The following SRRM4 variants were observed in gnomAD, a reference collection of about 807,000 sequenced individuals.
SRRM4 encodes serine/arginine repetitive matrix protein 4.
In SRRM4, 33 loss-of-function variants were observed where a neutral mutation model predicts 68.9. The observed-to-expected ratio is 0.48, with a 90% CI of 0.36 to 0.64. The LOEUF is 0.64. Ranked by LOEUF, SRRM4 falls within the 30% of genes least tolerant of loss-of-function variation. The pLI, the probability that SRRM4 is intolerant of heterozygous loss-of-function variation, is 0.00. For synonymous variants in SRRM4, 318 were observed against 318.8 expected (o/e 1.00, Z 0.03); for missense variants, 817 against 827.1 (o/e 0.99, Z 0.15).
At chr12:118,998,406 G>A (rs1953363221) in intron 1 of SRRM4, among the ~76,000 whole-genome samples, 1 of 151,768 alleles carries the variant, frequency 6.6e-6, no homozygotes, top group South Asian at 2.1e-4. Flanking sequence ...AGAGTGCTTG[G>A]ATCAATTAGT....
At chr12:119,090,858 C>T (rs1263719292) in intron 1 of SRRM4, among the ~76,000 whole-genome samples, 1 of 152,204 alleles carries the variant, frequency 6.6e-6, no homozygotes, top group East Asian at 1.9e-4. Flanking sequence ...ATCTCAGTTT[C>T]TGTAACCCAG....
At chr12:119,036,251 A>G (rs1525970) in intron 1 of SRRM4, among the ~76,000 whole-genome samples, 106,149 of 152,124 alleles carry the variant, frequency 0.7, 37,687 homozygotes, top group Non-Finnish European at 0.77. Context: ...TGGTGTGGCC[A>G]TTGCCTCCGC....
At chr12:119,080,541 T>A (rs1953941665) in intron 1 of SRRM4, among the ~76,000 whole-genome samples, 1 of 152,200 alleles carries the variant, frequency 6.6e-6, no homozygotes, top group Non-Finnish European at 1.5e-5. Context: ...CAAGTCCTGA[T>A]GTTAATTCCA....
intron 1 of SRRM4, among the ~76,000 whole-genome samples, chr12:119,089,750 AT>A (rs1227851490): frequency 4.3e-4 from 8 of 18,426 alleles, no homozygotes; most frequent in Non-Finnish European, 1.1e-4. Flanking sequence ...CCTCAATATC[AT>A]CATCATCATC....
At chr12:119,062,520 C>CA (rs573746194) in intron 1 of SRRM4, among the ~76,000 whole-genome samples, 144 of 150,940 alleles carry the variant, frequency 9.5e-4, no homozygotes, top group African/African-American at 1.2e-3. Flanking sequence ...TGCAGCTGTA[C>CA]AAAAAAAAAT....
chr12:119,037,869 C>T (rs1953639930), intron 1 of SRRM4, among the ~76,000 whole-genome samples: 1 of 152,184 alleles, frequency 6.6e-6, no homozygotes, highest in Admixed American at 6.5e-5. Flanking sequence ...ATAGCATCAC[C>T]TTGCTGAATT....
chr12:118,986,850 C>T (rs538916978), intron 1 of SRRM4, among the ~76,000 whole-genome samples: 4 of 152,130 alleles, frequency 2.6e-5, no homozygotes, highest in Admixed American at 6.5e-5. Context: ...GGGTCACATG[C>T]CTTCTTCTCC....
chr12:119,108,885 G>T (rs1302386159), intron 2 of SRRM4, among the ~76,000 whole-genome samples: 1 of 152,146 alleles, frequency 6.6e-6, no homozygotes, highest in Non-Finnish European at 1.5e-5. Context: ...TGGTTATTTT[G>T]CTCTTTAGTT....
intron 1 of SRRM4, among the ~76,000 whole-genome samples, chr12:119,101,475 G>A (rs1954077364): frequency 6.6e-6 from 1 of 151,982 alleles, no homozygotes; most frequent in Non-Finnish European, 1.5e-5. Context: ...TACCAATTAA[G>A]GACATCAGAT....
intron 1 of SRRM4, among the ~76,000 whole-genome samples, chr12:119,016,939 G>C (rs1039172416): frequency 6.6e-6 from 1 of 152,098 alleles, no homozygotes; most frequent in African/African-American, 2.4e-5. Flanking sequence ...CTGTAGAATG[G>C]GGATTAAATA....
At chr12:119,096,554 TGGAGA>T (rs1477381372) in intron 1 of SRRM4, among the ~76,000 whole-genome samples, 2 of 152,186 alleles carry the variant, frequency 1.3e-5, no homozygotes, top group Non-Finnish European at 2.9e-5. Flanking sequence ...TCAAGTGATG[TGGAGA>T]GAACGCTGGG....
chr12:119,144,873 T>C (rs2136065332), intron 8 of SRRM4, among the ~76,000 whole-genome samples: 1 of 152,326 alleles, frequency 6.6e-6, no homozygotes, highest in Non-Finnish European at 1.5e-5. Flanking sequence ...ACTTTTTCTT[T>C]TCAAAAAAAA....
intron 1 of SRRM4, among the ~76,000 whole-genome samples, chr12:119,073,150 A>G (rs1046328092): frequency 6.6e-6 from 1 of 152,166 alleles, no homozygotes; most frequent in East Asian, 1.9e-4. Flanking sequence ...TAGATTGCCA[A>G]ATGAATTGCC....
At chr12:119,106,402 T>G (rs1019878242) in intron 2 of SRRM4, among the ~76,000 whole-genome samples, 7 of 152,054 alleles carry the variant, frequency 4.6e-5, no homozygotes, top group African/African-American at 1.7e-4. Context: ...CCTTGGGCAG[T>G]ATGGCCATTT....
At chr12:119,138,149 C>T (rs1954342740) in intron 8 of SRRM4, among the ~76,000 whole-genome samples, 1 of 152,026 alleles carries the variant, frequency 6.6e-6, no homozygotes, top group African/African-American at 2.4e-5. Context: ...TCTTGCCAGG[C>T]AGGGATTTGG....
chr12:119,099,803 T>C (rs898911592), intron 1 of SRRM4, among the ~76,000 whole-genome samples: 1 of 152,142 alleles, frequency 6.6e-6, no homozygotes, highest in Non-Finnish European at 1.5e-5. Flanking sequence ...CACATAGGCC[T>C]CTCCATATGG....
chr12:119,056,110 C>G (rs375434607), intron 1 of SRRM4, among the ~76,000 whole-genome samples: 4 of 152,210 alleles, frequency 2.6e-5, no homozygotes, highest in Admixed American at 6.5e-5. Flanking sequence ...GCCAGCCCCC[C>G]TCTCAGCCTC....
chr12:119,102,120 G>T (rs1954080963), intron 1 of SRRM4, 116 bp from the exon 2 acceptor site: 22 of 1,044,068 alleles, frequency 2.1e-5, no homozygotes, highest in Non-Finnish European at 3.0e-5. Flanking sequence ...AATCTCATGG[G>T]CTCAACCTAA....
intron 2 of SRRM4, among the ~76,000 whole-genome samples, chr12:119,108,422 G>T (rs1204881944): frequency 6.6e-6 from 1 of 152,162 alleles, no homozygotes; most frequent in Admixed American, 6.5e-5. Flanking sequence ...GGGTGTTAAA[G>T]TCTCCCATTA....
Sources: gnomAD v4.1 joint callset for allele counts (sites outside exome capture counted in the v4.1 genomes callset) on GRCh38, gnomAD v4.1.1 for gene constraint, MANE v1.5 for transcripts, NCBI Gene and HGNC (gene_info 2026-07-23, HGNC 2026-07-21) for gene names.